Variants in COG6 observed in about 807,000 individuals in gnomAD.
COG6 encodes conserved oligomeric Golgi complex subunit 6.
COG6 carries 74 observed loss-of-function variants against 88.8 expected under a neutral mutation model. The observed-to-expected ratio is 0.83, with a 90% CI of 0.69 to 1.01. The LOEUF is 1.01. COG6 is among the 50% of genes least tolerant of loss of function. COG6 has a pLI of 0.00. For missense variants in COG6, 800 were observed against 797.9 expected (o/e 1.00, Z -0.03); for synonymous variants, 286 against 278.7 (o/e 1.03, Z -0.26).
At chr13:39,722,163 A>G (rs558950776) in intron 15 of COG6, among the ~76,000 whole-genome samples, 1 of 151,120 alleles carries the variant, frequency 6.6e-6, no homozygotes, top group South Asian at 2.1e-4. Flanking sequence ...CTTTCCTTCC[A>G]TTTTTCTTTC....
intron 18 of COG6, among the ~76,000 whole-genome samples, chr13:39,761,930 A>G (rs1338490268): frequency 1.3e-5 from 2 of 151,996 alleles, no homozygotes; most frequent in African/African-American, 2.4e-5. Context: ...AAATTAGTCC[A>G]GCCACTATGG....
chr13:39,730,234 T>C lies in COG6; in HGVS notation c.1826+2686T>C, dbSNP rs192618540. On this transcript the variant is annotated intron_variant, in intron 18 of 18. Transcript: ENST00000455146. ...TATAATGACATTTAAAATTGAGATA[T>C]GCATATTATTTATATAAGTATTAAT... 2.4e-4 allele frequency among the ~76,000 whole-genome samples: 36 copies of C among 152,284 alleles called. No homozygotes were observed. The East Asian group carries it at 4.6e-3, about 20-fold the overall frequency.
intron 18 of COG6, among the ~76,000 whole-genome samples, chr13:39,730,250 A>G (rs1215152006): frequency 1.3e-5 from 2 of 152,148 alleles, no homozygotes; most frequent in Non-Finnish European, 2.9e-5. Context: ...TTATTTATAT[A>G]AGTATTAATA....
intron 4 of COG6, among the ~76,000 whole-genome samples, chr13:39,670,726 A>G (rs751857306): frequency 6.6e-6 from 1 of 152,068 alleles, no homozygotes; most frequent in Non-Finnish European, 1.5e-5. Flanking sequence ...TCTGTCATCT[A>G]GGAAGCTTAG....
chr13:39,657,914 A>G (rs1392543818), intron 1 of COG6, among the ~76,000 whole-genome samples: 1 of 152,170 alleles, frequency 6.6e-6, no homozygotes, highest in Non-Finnish European at 1.5e-5. Context: ...TGTCTATACT[A>G]TACCTCCAAT....
chr13:39,699,436 A>G (rs1294919909), intron 12 of COG6, 65 bp from the exon 13 acceptor site: 2 of 786,514 alleles, frequency 2.5e-6, no homozygotes, highest in Non-Finnish European at 4.6e-6. Context: ...AAAGCATTCT[A>G]CTCAGTTAAG....
chr13:39,659,270 A>G (rs1874735667), intron 1 of COG6, 94 bp from the exon 2 acceptor site: 3 of 1,224,610 alleles, frequency 2.4e-6, no homozygotes, highest in African/African-American at 1.5e-5. Flanking sequence ...ATGAAAATAA[A>G]TCATTTGAAA....
At chr13:39,665,028 GT>G (rs2137955652) in intron 3 of COG6, 67 bp from the exon 4 acceptor site, 1 of 773,232 alleles carries the variant, frequency 1.3e-6, no homozygotes, top group East Asian at 2.6e-5. Context: ...GCAGTAAGTG[GT>G]AGTATTTGTT....
intron 18 of COG6, among the ~76,000 whole-genome samples, chr13:39,743,475 C>A (rs1433149612): frequency 6.6e-6 from 1 of 152,158 alleles, no homozygotes; most frequent in African/African-American, 2.4e-5. Context: ...ACTATAAACA[C>A]CTCTATGCAA....
At chr13:39,780,228 AAAG>A (rs1464949914) in intron 18 of COG6, among the ~76,000 whole-genome samples, 2 of 152,208 alleles carry the variant, frequency 1.3e-5, no homozygotes, top group African/African-American at 2.4e-5. Context: ...CAAAAAGGGA[AAAG>A]AAGATGTTTG....
intron 8 of COG6, among the ~76,000 whole-genome samples, chr13:39,684,614 A>T (rs1876532676): frequency 6.6e-6 from 1 of 152,144 alleles, no homozygotes; most frequent in South Asian, 2.1e-4. Flanking sequence ...AGACCAGATG[A>T]TTAGAACAAG....
intron 15 of COG6, among the ~76,000 whole-genome samples, chr13:39,720,967 G>A (rs756742769): frequency 2.0e-5 from 3 of 151,996 alleles, no homozygotes; most frequent in Non-Finnish European, 4.4e-5. Flanking sequence ...TCAATGTTTT[G>A]TTAAATTATT....
intron 18 of COG6, among the ~76,000 whole-genome samples, chr13:39,743,658 G>C (rs776903433): frequency 6.6e-6 from 1 of 152,004 alleles, no homozygotes; most frequent in African/African-American, 2.4e-5. Context: ...GGATTCACAG[G>C]TGAATTCTAC....
intron 7 of COG6, 100 bp from the exon 8 acceptor site, chr13:39,682,071 A>T: frequency 2.6e-6 from 2 of 781,848 alleles, no homozygotes; most frequent in Admixed American, 2.1e-5. Flanking sequence ...ATTTTTTTTT[A>T]TGGGGTGTTT....
chr13:39,680,191 A>T, intron 7 of COG6, 146 bp downstream of exon 7: 1 of 594,144 alleles, frequency 1.7e-6, no homozygotes, highest in South Asian at 2.3e-5. Context: ...TGGTTTTTAA[A>T]TTTTTACTTG....
At chr13:39,696,672 T>G (rs1247021701) in intron 12 of COG6, among the ~76,000 whole-genome samples, 1 of 151,440 alleles carries the variant, frequency 6.6e-6, no homozygotes, top group African/African-American at 2.4e-5. Context: ...TCACACAGGA[T>G]TTTGAAGGCG....
At chr13:39,723,626 G>A (rs1342584075) in intron 16 of COG6, among the ~76,000 whole-genome samples, 186 bp downstream of exon 16, 1 of 151,986 alleles carries the variant, frequency 6.6e-6, no homozygotes, top group Non-Finnish European at 1.5e-5. Context: ...TGTGTCATAG[G>A]ATTGTTCTTA....
chr13:39,693,575 A>G (rs952872867), intron 11 of COG6, among the ~76,000 whole-genome samples: 1 of 152,004 alleles, frequency 6.6e-6, no homozygotes, highest in Non-Finnish European at 1.5e-5. Context: ...TCATGGAAAA[A>G]TATATTTTTT....
chr13:39,690,871 G>A (rs2138014381), intron 11 of COG6, among the ~76,000 whole-genome samples: 1 of 151,916 alleles, frequency 6.6e-6, no homozygotes, highest in Non-Finnish European at 1.5e-5. Flanking sequence ...ATAGTTTGAT[G>A]TAGACATATA....
Sources: gnomAD v4.1 joint callset for allele counts (sites outside exome capture counted in the v4.1 genomes callset) on GRCh38, gnomAD v4.1.1 for gene constraint, MANE v1.5 for transcripts, NCBI Gene and HGNC (gene_info 2026-07-23, HGNC 2026-07-21) for gene names.